Variants in PTPRZ1 observed in about 807,000 individuals in gnomAD.
The protein encoded by PTPRZ1 is protein tyrosine phosphatase receptor type Z1.
PTPRZ1 carries 82 observed loss-of-function variants against 214.1 expected under a neutral mutation model. The observed-to-expected ratio is 0.38, with a 90% CI of 0.32 to 0.46. The LOEUF is 0.46. Ranked by LOEUF, PTPRZ1 falls within the 20% of genes least tolerant of loss-of-function variation. The pLI is 1.00. For synonymous variants in PTPRZ1, 945 were observed against 987.9 expected (o/e 0.96, Z 0.81); for missense variants, 2,603 against 2,748.7 (o/e 0.95, Z 1.19).
intron 27 of PTPRZ1, among the ~76,000 whole-genome samples, chr7:122,057,966 G>GTATATATATACATA (rs1562886833): frequency 1.4e-5 from 2 of 145,544 alleles, no homozygotes; most frequent in African/African-American, 5.1e-5. Context: ...GTGTGTGTGT[G>GTATATATATACATA]TGTATATATA....
chr7:121,967,880 A>G, intron 2 of PTPRZ1, 71 bp from the exon 3 acceptor site: 1 of 1,103,696 alleles, frequency 9.1e-7, no homozygotes, highest in Non-Finnish European at 1.3e-6. Context: ...TAATGTATTA[A>G]CTATAATGTA....
chr7:121,931,485 A>G (rs1394182262), intron 2 of PTPRZ1, among the ~76,000 whole-genome samples: 1 of 152,154 alleles, frequency 6.6e-6, no homozygotes, highest in African/African-American at 2.4e-5. Flanking sequence ...CAGAGGACCT[A>G]CTGCCTAGGG....
Position 122,051,512 on chromosome 7 carries a change from A to G in PTPRZ1, c.6169A>G (p.Ile2057Val), listed in dbSNP as rs1426356380. The G allele has an allele frequency of 5.0e-6, 8 of 1,613,090 alleles. No homozygotes were observed. The highest frequency in any genetic ancestry group is 5.9e-6 in the Non-Finnish European group (7 of 1,179,236). ...CNREKNRTSS[I>V]IPVERSRVGI... ...CAGGGAAAAGAATCGAACTTCTTCT[A>G]TCATCCCTGGTAAGTTGTGTTGATC... is the stretch of plus-strand genomic sequence containing the variant. The change falls in exon 24 of 30, where the codon ATC becomes GTC. Residue 2057 changes from isoleucine to valine, a missense_variant. Ile to Val is a conservative substitution (Grantham distance 29). Around this residue, in one of 6 missense-constraint regions of PTPRZ1, gnomAD observed 134 missense variants for 183.3 expected, o/e 0.73. Transcript: ENST00000393386.
intron 21 of PTPRZ1, 62 bp downstream of exon 21, chr7:122,041,041 A>C: frequency 3.0e-6 from 4 of 1,346,894 alleles, no homozygotes; most frequent in Non-Finnish European, 3.9e-6. Context: ...AAAGGAAATC[A>C]ATGGAACAAA....
At chr7:121,938,262 T>C (rs1796143819) in intron 2 of PTPRZ1, among the ~76,000 whole-genome samples, 1 of 152,190 alleles carries the variant, frequency 6.6e-6, no homozygotes, top group African/African-American at 2.4e-5. Flanking sequence ...ACTGAAAGAT[T>C]GCGAAGATAG....
At chr7:121,923,894 G>A (rs969071923) in intron 1 of PTPRZ1, among the ~76,000 whole-genome samples, 11 of 152,068 alleles carry the variant, frequency 7.2e-5, no homozygotes, top group Non-Finnish European at 7.4e-5. Flanking sequence ...GTAAGTGCTT[G>A]AGGTAAGTTC....
chr7:121,903,995 C>CACACAA (rs2116276560), intron 1 of PTPRZ1, among the ~76,000 whole-genome samples: 1 of 152,104 alleles, frequency 6.6e-6, no homozygotes, highest in African/African-American at 2.4e-5. Context: ...CACACACACA[C>CACACAA]ACACAATAGT....
At chr7:122,022,423 A>T (rs1562867770) in intron 13 of PTPRZ1, among the ~76,000 whole-genome samples, 2 of 152,050 alleles carry the variant, frequency 1.3e-5, no homozygotes, top group Non-Finnish European at 2.9e-5. Context: ...TGTTTTAAGG[A>T]GCAGAGAGTT....
rs370056089 is a variant in PTPRZ1, at chr7:122,013,181, G to C, written c.4135G>C (p.Val1379Leu). 9.9e-6 allele frequency: 16 copies of C among 1,613,990 alleles called. No homozygotes were observed. The African/African-American group carries it at 1.1e-4, about 11-fold the overall frequency. Residue 1379 changes from valine to leucine, a missense_variant, in exon 12 of 30, where the codon GTT (valine) becomes CTT (leucine). Val to Leu is a conservative substitution (Grantham distance 32). This residue lies in a region of PTPRZ1 where 1,913 missense variants were observed against 1,914.3 expected (regional missense o/e 1.00). Coordinates refer to ENST00000393386, the MANE Select transcript of PTPRZ1 (RefSeq NM_002851.3). ...AAATGGGCATGTTGCCATTACAGCTGTTTCTCCCCACAGAGATGGTTCTGT... is the reference window on the plus strand; with the variant it reads ...AAATGGGCATGTTGCCATTACAGCTCTTTCTCCCCACAGAGATGGTTCTGT... ...IGNGHVAITA[V>L]SPHRDGSVTS...
At position 122,013,050 on chromosome 7, in the gene PTPRZ1, A is replaced by C; in HGVS notation, c.4004A>C (p.Glu1335Ala). ...ATAAATAAGCTTATACATTCCGATG[A>C]AATTTTAACCTCCACCAAAAGTTCT... is the stretch of plus-strand genomic sequence containing the variant. ...TLINKLIHSD[E>A]ILTSTKSSVT... is the part of the protein sequence containing the mutation. Residue 1335 changes from glutamate (E) to alanine (A), a missense_variant, in exon 12 of 30, where the codon GAA (glutamate) becomes GCA (alanine). Coordinates refer to ENST00000393386, the MANE Select transcript of PTPRZ1 (RefSeq NM_002851.3). The C allele has an allele frequency of 6.2e-7, 1 of 1,613,898 alleles. No homozygotes were observed.
At chr7:121,977,964 A>C (rs1242383640) in intron 6 of PTPRZ1, among the ~76,000 whole-genome samples, 1 of 152,212 alleles carries the variant, frequency 6.6e-6, no homozygotes, top group Non-Finnish European at 1.5e-5. Flanking sequence ...AGATGTTAAC[A>C]CTGGGTTGTT....
chr7:122,017,646 C>T (rs988567773), intron 12 of PTPRZ1, among the ~76,000 whole-genome samples: 2 of 151,948 alleles, frequency 1.3e-5, no homozygotes, highest in Admixed American at 1.3e-4. Context: ...ACTGCAACCT[C>T]TACTTCCCGG....
chr7:122,047,647 C>CTT (rs533970486), intron 23 of PTPRZ1, among the ~76,000 whole-genome samples: 17 of 101,036 alleles, frequency 1.7e-4, no homozygotes, highest in African/African-American at 2.5e-4. Flanking sequence ...ACATATATTC[C>CTT]TTTTTTTTTT....
intron 2 of PTPRZ1, among the ~76,000 whole-genome samples, chr7:121,931,788 T>C (rs1563023644): frequency 6.6e-6 from 1 of 152,176 alleles, no homozygotes; most frequent in Non-Finnish European, 1.5e-5. Flanking sequence ...AGATGGGTCT[T>C]TGAAGAAACA....
At chr7:121,929,818 T>TAAAAATA (rs1795870676) in intron 2 of PTPRZ1, among the ~76,000 whole-genome samples, 1 of 123,790 alleles carries the variant, frequency 8.1e-6, no homozygotes, top group Non-Finnish European at 1.6e-5. Flanking sequence ...AAAAAAAAAA[T>TAAAAATA]AAAAATAAAA....
In PTPRZ1 at chr7:122,034,339, G is replaced by A; in HGVS notation, c.5245G>A (p.Asp1749Asn). The change falls in exon 17 of 30, where the codon GAC becomes AAC. Residue 1749 changes from aspartate (D) to asparagine (N), a missense_variant. Physicochemically the swap from Asp to Asn is conservative, Grantham distance 23. This residue lies in a region of PTPRZ1 where 1,913 missense variants were observed against 1,914.3 expected (regional missense o/e 1.00). Transcript: ENST00000393386. ...TACAGCAGACAGCTCCAACCACCCA[G>A]ACAACAAGCACAAGAATCGATACAT... is the stretch of plus-strand genomic sequence containing the variant. Reference protein sequence around the residue: ...GITADSSNHPDNKHKNRYINI... With the variant: ...GITADSSNHPNNKHKNRYINI... The A allele has an allele frequency of 6.2e-7, 1 of 1,613,488 alleles. No homozygotes were observed. Among genetic ancestry groups the A allele is most frequent in the Non-Finnish European group, 8.5e-7 (1 of 1,179,670 alleles).
At chr7:121,944,536 T>G (rs983655506) in intron 2 of PTPRZ1, among the ~76,000 whole-genome samples, 1 of 152,242 alleles carries the variant, frequency 6.6e-6, no homozygotes, top group Non-Finnish European at 1.5e-5. Flanking sequence ...TTATTCATTC[T>G]TTGCTTCAGT....
At chr7:121,880,288 C>T (rs939755060) in intron 1 of PTPRZ1, among the ~76,000 whole-genome samples, 13 of 152,056 alleles carry the variant, frequency 8.5e-5, no homozygotes, top group African/African-American at 3.1e-4. Context: ...GTTTTTTTTA[C>T]AAGTTTCCTT....
intron 1 of PTPRZ1, among the ~76,000 whole-genome samples, chr7:121,894,126 TA>T (rs1020296775): frequency 7.3e-4 from 111 of 152,282 alleles, no homozygotes; most frequent in African/African-American, 2.6e-3. Flanking sequence ...GGCATATTTC[TA>T]AGACTGTTGA....
Sources: allele counts gnomAD v4.1 joint callset (sites outside exome capture counted in the v4.1 genomes callset), GRCh38; gene constraint gnomAD v4.1.1; regional missense constraint gnomAD v4.1.1; transcripts MANE v1.5; gene names NCBI Gene and HGNC (gene_info 2026-07-23, HGNC 2026-07-21).